Variants in GPC3 observed in about 807,000 individuals in gnomAD.
GPC3 encodes glypican 3.
Under a neutral mutation model 34.4 loss-of-function variants are expected in GPC3, and 3 were observed. The ratio of observed to expected loss-of-function variants is 0.09; its 90% CI spans 0.04 to 0.23. GPC3 has a LOEUF of 0.23. GPC3 is among the 10% of genes least tolerant of loss of function. GPC3 has a pLI of 1.00. For missense variants in GPC3, 351 were observed against 445.6 expected (o/e 0.79, Z 1.91); for synonymous variants, 177 against 174.0 (o/e 1.02, Z -0.13).
At chrX:133,936,231 A>G (rs1411278133) in intron 2 of GPC3, among the ~76,000 whole-genome samples, 3 of 107,828 alleles carry the variant, frequency 2.8e-5, no homozygotes, top group Non-Finnish European at 5.7e-5. Flanking sequence ...AATAATAATA[A>G]TAATAAAGTG....
At chrX:133,888,464 G>T (rs2076071716) in intron 2 of GPC3, among the ~76,000 whole-genome samples, 1 of 111,641 alleles carries the variant, frequency 9.0e-6, no homozygotes, top group Non-Finnish European at 1.9e-5. Flanking sequence ...TGGTCAAATG[G>T]TATTTCCAGT....
intron 6 of GPC3, among the ~76,000 whole-genome samples, chrX:133,598,634 G>A (rs1341503999): frequency 8.9e-6 from 1 of 111,910 alleles, no homozygotes; most frequent in Admixed American, 9.5e-5. Flanking sequence ...TCAGATAATT[G>A]TGGAGATTTT....
chrX:133,889,026 T>C (rs775110514), intron 2 of GPC3, among the ~76,000 whole-genome samples: 1 of 112,342 alleles, frequency 8.9e-6, no homozygotes, highest in Admixed American at 9.5e-5. Context: ...ATGATGTAAA[T>C]GGAACACAGA....
At chrX:133,900,835 G>T (rs971085894) in intron 2 of GPC3, among the ~76,000 whole-genome samples, 2 of 111,724 alleles carry the variant, frequency 1.8e-5, no homozygotes, top group Non-Finnish European at 3.8e-5. Flanking sequence ...CTCCAATTGT[G>T]CTAGAGCTGA....
intron 2 of GPC3, among the ~76,000 whole-genome samples, chrX:133,869,988 G>A (rs1369731579): frequency 2.7e-5 from 3 of 111,532 alleles, no homozygotes; most frequent in Non-Finnish European, 3.8e-5. Flanking sequence ...AGAGTACCGG[G>A]CAACTACAGA....
chrX:133,553,204 A>G (rs2069451875), intron 7 of GPC3, among the ~76,000 whole-genome samples: 1 of 111,949 alleles, frequency 8.9e-6, no homozygotes, highest in Non-Finnish European at 1.9e-5. Flanking sequence ...TGTGCCCATT[A>G]ACCAAGACAA....
chrX:133,907,158 C>A (rs1423534399), intron 2 of GPC3, among the ~76,000 whole-genome samples: 6 of 110,848 alleles, frequency 5.4e-5, no homozygotes, highest in Non-Finnish European at 9.4e-5. Context: ...ATACCCCTGA[C>A]CTAAAAGTGT....
At chrX:133,557,293 CA>C (rs1176197828) in intron 7 of GPC3, among the ~76,000 whole-genome samples, 1 of 110,293 alleles carries the variant, frequency 9.1e-6, no homozygotes, top group African/African-American at 3.3e-5. Flanking sequence ...GACTCCGTCT[CA>C]AAAACATAAA....
chrX:133,905,132 G>T (rs1004327370), intron 2 of GPC3, among the ~76,000 whole-genome samples: 2 of 112,028 alleles, frequency 1.8e-5, no homozygotes, highest in South Asian at 3.7e-4. Context: ...AAAAAAGAGC[G>T]GTTGGAAAAC....
chrX:133,666,590 C>T (rs2070770072), intron 5 of GPC3, among the ~76,000 whole-genome samples: 2 of 112,395 alleles, frequency 1.8e-5, no homozygotes, highest in South Asian at 7.3e-4. Flanking sequence ...ACCTCTCCCA[C>T]AGCTCTCAAT....
At chrX:133,929,434 C>T (rs1455898470) in intron 2 of GPC3, among the ~76,000 whole-genome samples, 2 of 111,453 alleles carry the variant, frequency 1.8e-5, no homozygotes, top group Admixed American at 1.9e-4. Context: ...AGGAAGAAAC[C>T]CCTACCCTTT....
At chrX:133,787,186 T>C (rs1024821649) in intron 2 of GPC3, among the ~76,000 whole-genome samples, 1 of 112,324 alleles carries the variant, frequency 8.9e-6, no homozygotes, top group Middle Eastern at 4.6e-3. Context: ...CCTCAAGAAA[T>C]CATATCCAGA....
chrX:133,873,252 A>G (rs1281645631), intron 2 of GPC3, among the ~76,000 whole-genome samples: 1 of 112,057 alleles, frequency 8.9e-6, no homozygotes. Context: ...AACTCAAGGC[A>G]AATGAATTAA....
At position 133,863,003 on chromosome X, in the gene GPC3, G is replaced by A. The variant is rs1479370876; in HGVS notation, c.337+90047C>T. Among the ~76,000 whole-genome samples, 4 of 113,028 alleles carry A rather than the reference G, an allele frequency of 3.5e-5. No homozygotes were observed. In the East Asian group the frequency reaches 1.1e-3, roughly 32 times the overall value. On this transcript the variant is annotated intron_variant, in intron 2 of 7. Transcript: ENST00000370818. ...TGGCTCTGCTTAGCAGCACTGGGAA[G>A]GCCAAGAGATACATACTCACTTCTT...
chrX:133,624,319 T>G (rs1047972454), intron 6 of GPC3, among the ~76,000 whole-genome samples: 20 of 111,288 alleles, frequency 1.8e-4, no homozygotes, highest in African/African-American at 6.5e-4. Context: ...AGAGCAGAAC[T>G]GAAGGAGATC....
At chrX:133,606,987 G>C (rs2070057335) in intron 6 of GPC3, among the ~76,000 whole-genome samples, 1 of 111,294 alleles carries the variant, frequency 9.0e-6, no homozygotes, top group African/African-American at 3.3e-5. Context: ...ACCTGGGTAA[G>C]GCTAAATCTG....
intron 7 of GPC3, among the ~76,000 whole-genome samples, chrX:133,547,564 C>T (rs959423487): frequency 5.4e-5 from 6 of 111,504 alleles, no homozygotes; most frequent in African/African-American, 6.5e-5. Flanking sequence ...TTGAGTGCTA[C>T]CCTGGAATAG....
intron 2 of GPC3, among the ~76,000 whole-genome samples, chrX:133,758,270 T>C (rs1292436336): frequency 9.0e-6 from 1 of 111,660 alleles, no homozygotes. Context: ...TGCAGCACTA[T>C]TCACAAGAGC....
At chrX:133,665,450 A>G (rs1186507035) in intron 5 of GPC3, among the ~76,000 whole-genome samples, 1 of 112,208 alleles carries the variant, frequency 8.9e-6, no homozygotes, top group East Asian at 2.8e-4. Context: ...ATATCTGCCA[A>G]TATTAAGGAC....
Sources: allele counts gnomAD v4.1 joint callset (sites outside exome capture counted in the v4.1 genomes callset), GRCh38; gene constraint gnomAD v4.1.1; transcripts MANE v1.5; gene names NCBI Gene and HGNC (gene_info 2026-07-23, HGNC 2026-07-21).